The following TTLL5 variants were observed in gnomAD, a reference collection of about 807,000 sequenced individuals.
The protein encoded by TTLL5 is tubulin tyrosine ligase like 5.
Under a neutral mutation model 168.4 loss-of-function variants are expected in TTLL5, and 132 were observed. The ratio of observed to expected loss-of-function variants is 0.78; its 90% CI spans 0.68 to 0.91. The LOEUF (loss-of-function observed/expected upper bound fraction) is 0.91, where lower values mean the gene tolerates loss of function less well. TTLL5 is among the 40% of genes least tolerant of loss of function. The pLI, the probability that TTLL5 is intolerant of heterozygous loss-of-function variation, is 0.00. For synonymous variants in TTLL5, 546 were observed against 558.6 expected (o/e 0.98, Z 0.32); for missense variants, 1,545 against 1,581.5 (o/e 0.98, Z 0.39).
At chr14:75,925,436 TCCTCACATCCCAGAC>T (rs1566663189) in intron 31 of TTLL5, among the ~76,000 whole-genome samples, 101 of 131,266 alleles carry the variant, frequency 7.7e-4, no homozygotes, top group African/African-American at 2.8e-3. Context: ...GCAGAGGCGC[TCCTCACATCCCAGAC>T]GGGGCGGCGG....
In TTLL5 at chr14:75,757,956, AT is replaced by A. The variant is rs1890387034; in HGVS notation, c.1550+5006del. 2.4e-6 allele frequency: 3 copies of A among 1,274,324 alleles called. No homozygotes were observed. The Admixed American group carries it at 8.8e-5, about 37-fold the overall frequency. The allele number at this position is 1,274,324 out of a possible 1,614,324, so 78.9% of individuals were successfully genotyped here. A position where few individuals can be genotyped will look rare whatever the true frequency, so the allele number is the denominator to read the frequency against. On this transcript the variant is annotated intron_variant, in intron 18 of 31. Coordinates refer to ENST00000298832, the MANE Select transcript of TTLL5 (RefSeq NM_015072.5). ...ACTAAGCATAATACCTTATATAACC[AT>A]TTTTAGTTTGGTTCAGCTTGAATAG...
intron 17 of TTLL5, among the ~76,000 whole-genome samples, chr14:75,747,211 T>G (rs1366850287): frequency 1.3e-5 from 2 of 152,156 alleles, no homozygotes; most frequent in Non-Finnish European, 2.9e-5. Flanking sequence ...CCTAGTCCTC[T>G]ATTAATTCTA....
chr14:75,714,610 A>C (rs1887307828), intron 9 of TTLL5, among the ~76,000 whole-genome samples: 1 of 152,106 alleles, frequency 6.6e-6, no homozygotes, highest in African/African-American at 2.4e-5. Flanking sequence ...CTTTACTATC[A>C]TGATTTATTT....
chr14:75,775,609 CTT>C lies in TTLL5; in HGVS notation c.2264_2265del (p.Phe755TyrfsTer13), dbSNP rs760320498. ...GAATCCTGGCCCACCAGCTGGGTGA[CTT>C]TATCATTGTATACAACAAGGTAAGT... ...RRILAHQLGD[F>X]IIVYNKETEQ... On this transcript the variant is annotated frameshift_variant, in exon 22 of 32. Coordinates refer to ENST00000298832, the MANE Select transcript of TTLL5 (RefSeq NM_015072.5). LOFTEE classifies it high-confidence loss of function. The C allele has an allele frequency of 3.7e-6, 6 of 1,613,944 alleles. No homozygotes were observed. Among genetic ancestry groups the C allele is most frequent in the Non-Finnish European group, 5.1e-6 (6 of 1,179,986 alleles).
At chr14:75,671,915 G>A (rs529031601) in intron 3 of TTLL5, among the ~76,000 whole-genome samples, 97 of 152,168 alleles carry the variant, frequency 6.4e-4, no homozygotes, top group Non-Finnish European at 1.3e-3. Flanking sequence ...GTACAATGCT[G>A]AATAGAAAGA....
At chr14:75,771,908 T>C in intron 21 of TTLL5, 54 bp downstream of exon 21, 1 of 1,501,794 alleles carries the variant, frequency 6.7e-7, no homozygotes, top group Non-Finnish European at 8.8e-7. Flanking sequence ...TTCTTCTTTC[T>C]GTATTTTTTT....
chr14:75,825,502 A>G (rs1211123668), intron 28 of TTLL5, among the ~76,000 whole-genome samples: 3 of 152,072 alleles, frequency 2.0e-5, no homozygotes, highest in Admixed American at 6.5e-5. Flanking sequence ...TTGCAGCTCA[A>G]TGTTCCAGCC....
chr14:75,808,823 A>C, intron 27 of TTLL5, among the ~76,000 whole-genome samples: 1 of 151,984 alleles, frequency 6.6e-6, no homozygotes. Flanking sequence ...GTGAGGTCTC[A>C]CTGTGTTGCC....
intron 31 of TTLL5, among the ~76,000 whole-genome samples, chr14:75,905,666 C>G (rs2033115527): frequency 2.0e-5 from 3 of 152,310 alleles, no homozygotes; most frequent in Admixed American, 1.3e-4. Context: ...GGCCTTCCTT[C>G]TTTATAACTG....
At chr14:75,681,362 T>G (rs2140117340) in intron 3 of TTLL5, among the ~76,000 whole-genome samples, 183 bp from the exon 4 acceptor site, 1 of 152,364 alleles carries the variant, frequency 6.6e-6, no homozygotes, top group South Asian at 2.1e-4. Flanking sequence ...CCCATCTATG[T>G]CTAATGACCT....
At chr14:75,882,976 T>C (rs1262727011) in intron 30 of TTLL5, 74 bp downstream of exon 30, 9 of 1,465,858 alleles carry the variant, frequency 6.1e-6, no homozygotes, top group Non-Finnish European at 7.5e-6. Context: ...TTTATTACTC[T>C]TCAAGACCGT....
At chr14:75,772,420 T>C (rs1566597221) in intron 21 of TTLL5, among the ~76,000 whole-genome samples, 2 of 152,244 alleles carry the variant, frequency 1.3e-5, no homozygotes, top group African/African-American at 4.8e-5. Context: ...CATCACCTTA[T>C]CATAGGCCCT....
At chr14:75,826,925 C>CTCATCCTAT (rs1236727049) in intron 28 of TTLL5, among the ~76,000 whole-genome samples, 1 of 27,634 alleles carries the variant, frequency 3.6e-5, no homozygotes, top group East Asian at 1.1e-3. Flanking sequence ...CTTTAACTAA[C>CTCATCCTAT]CCACCTGCCC....
intron 31 of TTLL5, among the ~76,000 whole-genome samples, chr14:75,916,426 G>A (rs2140126804): frequency 6.6e-6 from 1 of 152,260 alleles, no homozygotes; most frequent in East Asian, 1.9e-4. Flanking sequence ...AAGACTACTT[G>A]AGGCCAGGAG....
intron 26 of TTLL5, among the ~76,000 whole-genome samples, chr14:75,785,176 CTTTTTT>C (rs903930146): frequency 9.8e-6 from 1 of 102,558 alleles, no homozygotes; most frequent in Non-Finnish European, 1.9e-5. Context: ...AGATTTCCTC[CTTTTTT>C]TTTTTTTTTT....
chr14:75,746,126 T>C (rs1390324115), intron 17 of TTLL5, among the ~76,000 whole-genome samples: 2 of 152,194 alleles, frequency 1.3e-5, no homozygotes, highest in East Asian at 3.8e-4. Context: ...CTTCTGACAT[T>C]ACAGTTTTTC....
intron 12 of TTLL5, among the ~76,000 whole-genome samples, chr14:75,726,806 G>A (rs1888213221): frequency 6.6e-6 from 1 of 152,176 alleles, no homozygotes; most frequent in African/African-American, 2.4e-5. Context: ...AATTCATCTT[G>A]TAGCTAACAG....
chr14:75,708,204 A>G (rs929673910), intron 9 of TTLL5, among the ~76,000 whole-genome samples: 1 of 151,880 alleles, frequency 6.6e-6, no homozygotes, highest in African/African-American at 2.4e-5. Flanking sequence ...TGGAATGGGG[A>G]TTTGACCTCA....
At chr14:75,840,290 T>C (rs992781037) in intron 28 of TTLL5, among the ~76,000 whole-genome samples, 3 of 152,200 alleles carry the variant, frequency 2.0e-5, no homozygotes, top group African/African-American at 7.2e-5. Context: ...AGGTTTGTTA[T>C]GTAGGTATAC....
Sources: allele counts gnomAD v4.1 joint callset (sites outside exome capture counted in the v4.1 genomes callset), GRCh38; gene constraint gnomAD v4.1.1; transcripts MANE v1.5; gene names NCBI Gene and HGNC (gene_info 2026-07-23, HGNC 2026-07-21).